Variants in BMPR1B observed in about 807,000 individuals in gnomAD.
BMPR1B encodes bone morphogenetic protein receptor type 1B, also known as bone morphogenetic protein receptor type-1B.
Under a neutral mutation model 59.1 loss-of-function variants are expected in BMPR1B, and 12 were observed. The observed-to-expected ratio is 0.20, with a 90% CI of 0.13 to 0.33. BMPR1B has a LOEUF of 0.33. Among genes scored for constraint, BMPR1B ranks in the 10% least tolerant of loss-of-function variants. The pLI is 1.00. For missense variants in BMPR1B, 550 were observed against 610.9 expected, an observed-to-expected ratio of 0.90 and a Z score of 1.05; for synonymous variants, 237 against 207.3, an observed-to-expected ratio of 1.14 and a Z score of -1.23.
intron 1 of BMPR1B, among the ~76,000 whole-genome samples, chr4:94,803,552 A>G (rs908152428): frequency 7.9e-5 from 12 of 152,186 alleles, no homozygotes; most frequent in East Asian, 1.9e-4. Flanking sequence ...TCTAATATCA[A>G]AAATGGGCAG....
At chr4:94,794,925 A>G (rs1308619978) in intron 1 of BMPR1B, among the ~76,000 whole-genome samples, 1 of 146,776 alleles carries the variant, frequency 6.8e-6, no homozygotes, top group Admixed American at 6.8e-5. Context: ...TTGGGCTGAG[A>G]CAATGGGGTT....
At chr4:94,807,467 T>C (rs1723647419) in intron 1 of BMPR1B, among the ~76,000 whole-genome samples, 1 of 152,120 alleles carries the variant, frequency 6.6e-6, no homozygotes, top group Non-Finnish European at 1.5e-5. Flanking sequence ...ATGTACTTTT[T>C]GTTGTAAATC....
intron 2 of BMPR1B, among the ~76,000 whole-genome samples, chr4:94,938,746 C>A (rs545011510): frequency 2.0e-5 from 3 of 152,086 alleles, no homozygotes; most frequent in Non-Finnish European, 4.4e-5. Context: ...CTTCAACAAC[C>A]CTATATGGAA....
At chr4:95,132,422 C>T (rs963610377) in intron 10 of BMPR1B, among the ~76,000 whole-genome samples, 3 of 152,038 alleles carry the variant, frequency 2.0e-5, no homozygotes, top group Non-Finnish European at 4.4e-5. Context: ...TTGGTATTTT[C>T]GGCCAGAACT....
intron 3 of BMPR1B, among the ~76,000 whole-genome samples, chr4:95,031,307 C>T (rs1269870103): frequency 6.6e-6 from 1 of 152,080 alleles, no homozygotes; most frequent in African/African-American, 2.4e-5. Context: ...GAATATGGCA[C>T]ATTAGAGAGG....
chr4:95,115,378 G>C (rs1275548633), intron 5 of BMPR1B, among the ~76,000 whole-genome samples: 2 of 152,054 alleles, frequency 1.3e-5, no homozygotes, highest in African/African-American at 4.8e-5. Flanking sequence ...TGTCGCATTA[G>C]AGCATCTTCC....
At chr4:94,965,165 A>G (rs1284936399) in intron 2 of BMPR1B, among the ~76,000 whole-genome samples, 1 of 152,158 alleles carries the variant, frequency 6.6e-6, no homozygotes, top group African/African-American at 2.4e-5. Flanking sequence ...TACCTTAAAT[A>G]TCCTAATAAT....
At chr4:95,106,462 T>G (rs966548251) in intron 4 of BMPR1B, among the ~76,000 whole-genome samples, 1 of 151,752 alleles carries the variant, frequency 6.6e-6, no homozygotes, top group African/African-American at 2.4e-5. Flanking sequence ...GGTGTAGGAG[T>G]GAGTGAGATC....
Position 95,152,682 on chromosome 4 carries a change from T to G in BMPR1B, c.1292T>G (p.Val431Gly). The G allele has an allele frequency of 6.3e-7, 1 of 1,585,306 alleles. No homozygotes were observed. The change falls in exon 12 of 13, where the codon GTG becomes GGG. Residue 431 changes from valine to glycine, a missense_variant. By Grantham distance (109) the Val-to-Gly change is moderately radical. This residue lies in a region of BMPR1B where 123 missense variants were observed against 164.6 expected (regional missense o/e 0.75). Coordinates refer to ENST00000515059, the MANE Select transcript of BMPR1B (RefSeq NM_001203.3). ...TACCAGCTTCCTTATCATGACCTAG[T>G]GCCCAGTGACCCCTCTTATGAGGAC... The part of the protein sequence containing the change: ...EEYQLPYHDL[V>G]PSDPSYEDMR...
At position 94,894,262 on chromosome 4, in the gene BMPR1B, C is replaced by T. The variant is rs1026870621; in HGVS notation, c.-113+18362C>T. 2.0e-5 allele frequency among the ~76,000 whole-genome samples: 3 copies of T among 151,926 alleles called. No individual in the cohort carries two copies. In the South Asian group the frequency reaches 6.2e-4, roughly 31 times the overall value. On this transcript the variant is annotated intron_variant, in intron 2 of 12. Transcript: ENST00000515059. ...GTACTCATTGTGTGTTGGAGATCACCCTGGGTCTCTGTGACCTTGGCAACA... is the reference window on the plus strand; with the variant it reads ...GTACTCATTGTGTGTTGGAGATCACTCTGGGTCTCTGTGACCTTGGCAACA...
At chr4:95,154,449 A>G in intron 12 of BMPR1B, 99 bp from the exon 13 acceptor site, 2 of 1,547,482 alleles carry the variant, frequency 1.3e-6, no homozygotes, top group Non-Finnish European at 1.8e-6. Flanking sequence ...TACCTTTTAA[A>G]AATATATTCA....
chr4:95,052,736 T>A (rs138372920), intron 3 of BMPR1B, among the ~76,000 whole-genome samples: 37 of 152,292 alleles, frequency 2.4e-4, no homozygotes, highest in African/African-American at 8.9e-4. Context: ...ACGGAAAAAG[T>A]TTTTAATTTC....
chr4:94,797,962 GA>G (rs1449193486), intron 1 of BMPR1B, among the ~76,000 whole-genome samples: 1 of 152,144 alleles, frequency 6.6e-6, no homozygotes, highest in East Asian at 1.9e-4. Context: ...TGGATCCTGG[GA>G]AATAGCTTAC....
At chr4:95,075,117 G>A (rs949406361) in intron 3 of BMPR1B, among the ~76,000 whole-genome samples, 2 of 152,024 alleles carry the variant, frequency 1.3e-5, no homozygotes, top group African/African-American at 4.8e-5. Flanking sequence ...GATTAAATGT[G>A]TCTTTCTAAA....
intron 7 of BMPR1B, among the ~76,000 whole-genome samples, 178 bp from the exon 8 acceptor site, chr4:95,124,805 G>A (rs1347109069): frequency 6.6e-6 from 1 of 152,038 alleles, no homozygotes; most frequent in Non-Finnish European, 1.5e-5. Flanking sequence ...AAATAGGTTA[G>A]CCAAACAGTA....
intron 8 of BMPR1B, among the ~76,000 whole-genome samples, chr4:95,126,406 C>T (rs771560783): frequency 1.3e-5 from 2 of 152,192 alleles, no homozygotes; most frequent in African/African-American, 2.4e-5. Context: ...TGATTAAAAG[C>T]ATATATTCTC....
At chr4:95,037,368 A>G (rs529981478) in intron 3 of BMPR1B, among the ~76,000 whole-genome samples, 1 of 152,316 alleles carries the variant, frequency 6.6e-6, no homozygotes, top group Admixed American at 6.5e-5. Flanking sequence ...GGTAGATGAA[A>G]TGATGTAAAC....
chr4:94,910,039 C>G (rs72887893), intron 2 of BMPR1B, among the ~76,000 whole-genome samples: 2 of 151,102 alleles, frequency 1.3e-5, no homozygotes, highest in African/African-American at 4.9e-5. Context: ...AGCGAGACTC[C>G]GTCTCCAAAA....
intron 3 of BMPR1B, among the ~76,000 whole-genome samples, chr4:95,004,896 TTAAA>T (rs774805328): frequency 5.9e-5 from 9 of 152,204 alleles, no homozygotes; most frequent in Admixed American, 2.0e-4. Context: ...TTTATTTGTT[TTAAA>T]TAAGCCAAGA....
Sources: allele counts gnomAD v4.1 joint callset (sites outside exome capture counted in the v4.1 genomes callset), GRCh38; gene constraint gnomAD v4.1.1; regional missense constraint gnomAD v4.1.1; transcripts MANE v1.5; gene names NCBI Gene and HGNC (gene_info 2026-07-23, HGNC 2026-07-21).